ERC1: variants seen among roughly 807,000 people sequenced by gnomAD.
ERC1 encodes RAB6 interacting protein 2.
ERC1 carries 56 observed loss-of-function variants against 132.0 expected under a neutral mutation model. That is an observed-to-expected ratio of 0.42 (90% CI 0.34 to 0.53). The LOEUF (loss-of-function observed/expected upper bound fraction) is 0.53, where lower values mean the gene tolerates loss of function less well. ERC1 is among the 20% of genes least tolerant of loss of function. The pLI is 0.03. For missense variants in ERC1, 1,202 were observed against 1,349.9 expected (o/e 0.89, Z 1.72); for synonymous variants, 478 against 476.1 (o/e 1.00, Z -0.05).
chr12:1,124,964 A>T (rs1168640756), intron 7 of ERC1, among the ~76,000 whole-genome samples: 1 of 151,856 alleles, frequency 6.6e-6, no homozygotes, highest in Non-Finnish European at 1.5e-5. Flanking sequence ...TAAGGCCCAG[A>T]TGGCTTTCGA....
intron 12 of ERC1, among the ~76,000 whole-genome samples, chr12:1,211,179 G>C (rs890099443): frequency 6.6e-6 from 1 of 151,728 alleles, no homozygotes; most frequent in African/African-American, 2.4e-5. Context: ...ACAGAGTTTC[G>C]CTCTTATTGC....
chr12:1,457,019 A>G lies in ERC1; in HGVS notation c.3213+12269A>G, dbSNP rs2093552025. On this transcript the variant is annotated intron_variant, in intron 18 of 18. Transcript: ENST00000360905. ...ACCCCATGTTCCACAGTGCTCCCGT[A>G]AGATGATAAGACCATATTTTTACTG... is the stretch of plus-strand genomic sequence containing the variant. Among the ~76,000 whole-genome samples, 3 of 152,364 alleles carry G rather than the reference A, an allele frequency of 2.0e-5. No individual in the cohort carries two copies. The South Asian group carries it at 6.2e-4, about 32-fold the overall frequency.
chr12:1,017,909 T>A (rs1390048297), intron 1 of ERC1, among the ~76,000 whole-genome samples: 1 of 152,210 alleles, frequency 6.6e-6, no homozygotes, highest in Non-Finnish European at 1.5e-5. Flanking sequence ...GAGATTTTTT[T>A]AGTATTGAGA....
At chr12:1,351,117 G>A (rs144611919) in intron 15 of ERC1, among the ~76,000 whole-genome samples, 35 of 152,234 alleles carry the variant, frequency 2.3e-4, no homozygotes, top group African/African-American at 7.2e-4. Context: ...ATGAGTTTTC[G>A]TGGGGACAGA....
intron 17 of ERC1, among the ~76,000 whole-genome samples, chr12:1,438,971 A>ATATATATATATATATATATATATAT (rs879572392): frequency 6.9e-6 from 1 of 144,516 alleles, no homozygotes; most frequent in Admixed American, 6.7e-5. Flanking sequence ...ATATATATAT[A>ATATATATATATATATATATATATAT]AAAAATGACA....
intron 8 of ERC1, among the ~76,000 whole-genome samples, chr12:1,168,633 C>A (rs1952713565): frequency 1.3e-5 from 2 of 151,722 alleles, no homozygotes; most frequent in Admixed American, 6.6e-5. Context: ...TACAGGTGCC[C>A]ACCACCACAC....
At chr12:1,388,437 G>A (rs1057372917) in intron 16 of ERC1, among the ~76,000 whole-genome samples, 1 of 151,770 alleles carries the variant, frequency 6.6e-6, no homozygotes, top group Non-Finnish European at 1.5e-5. Flanking sequence ...GGTTGCTGAA[G>A]CATGAAGCAT....
rs554469906 is a variant in ERC1 at position 1,007,094 on chromosome 12, G to A, written c.-157+15772G>A. On this transcript the variant is annotated intron_variant, in intron 1 of 18. Transcript: ENST00000360905. The stretch of plus-strand genomic sequence containing the variant: ...CCGCCCTCAGGATGCTGGTGACCAG[G>A]GAGGGAGACAGTAAACAGGCAATTA... Among the ~76,000 whole-genome samples, 5 of 152,144 alleles carry A rather than the reference G, an allele frequency of 3.3e-5. No individual in the cohort carries two copies. The South Asian group carries it at 1.0e-3, about 32-fold the overall frequency.
rs2154435800 is a variant in ERC1, at chr12:1,495,219, C to T, written c.*4989C>T. 1 of 230,862 alleles carries T rather than the reference C, an allele frequency of 4.3e-6. No homozygotes were observed. The highest frequency in any genetic ancestry group is 1.8e-4 in the South Asian group (1 of 5,514). The allele number at this position is 230,862 out of a possible 1,614,324, so 14.3% of individuals were successfully genotyped here. On this transcript the variant is annotated 3_prime_UTR_variant, in exon 19 of 19. Transcript: ENST00000360905. ...CCTGCCCACTTGGTGCTATCTCTTC[C>T]AGTGACCACCCAGCACGGGTGAGCA...
chr12:1,241,507 G>A (rs528489236), intron 13 of ERC1, among the ~76,000 whole-genome samples: 4 of 151,330 alleles, frequency 2.6e-5, no homozygotes, highest in East Asian at 3.9e-4. Context: ...TGCTTATCTT[G>A]TCCTTTCAAG....
intron 11 of ERC1, among the ~76,000 whole-genome samples, chr12:1,186,503 CTG>C (rs780381080): frequency 7.2e-5 from 11 of 152,214 alleles, no homozygotes; most frequent in Non-Finnish European, 1.3e-4. Context: ...GGATTATTCA[CTG>C]TTACGTCAGC....
intron 15 of ERC1, among the ~76,000 whole-genome samples, chr12:1,366,942 A>G (rs1044777331): frequency 9.2e-5 from 14 of 152,298 alleles, no homozygotes; most frequent in East Asian, 5.8e-4. Context: ...ACAGGGACCA[A>G]AGTTTGCGAG....
chr12:1,217,552 T>G (rs1453874582), intron 12 of ERC1, among the ~76,000 whole-genome samples: 2 of 152,210 alleles, frequency 1.3e-5, no homozygotes, highest in Non-Finnish European at 2.9e-5. Flanking sequence ...CCTCTAAATG[T>G]GGAACAGATT....
At chr12:1,218,748 C>T (rs1384920487) in intron 12 of ERC1, among the ~76,000 whole-genome samples, 2 of 151,720 alleles carry the variant, frequency 1.3e-5, no homozygotes, top group African/African-American at 4.8e-5. Flanking sequence ...ACCTGTCATT[C>T]CTTTTGTGGT....
chr12:1,157,245 G>A (rs1951489171), intron 8 of ERC1, among the ~76,000 whole-genome samples: 1 of 152,124 alleles, frequency 6.6e-6, no homozygotes, highest in African/African-American at 2.4e-5. Context: ...CTGGGCTACA[G>A]CCGCACACAC....
chr12:1,130,206 A>C (rs954809951), intron 7 of ERC1, among the ~76,000 whole-genome samples: 4 of 152,172 alleles, frequency 2.6e-5, no homozygotes, highest in African/African-American at 9.7e-5. Flanking sequence ...AAGCGTAAAG[A>C]CCTCTGCAAT....
intron 1 of ERC1, among the ~76,000 whole-genome samples, chr12:997,548 T>A (rs1961180043): frequency 6.6e-6 from 1 of 152,152 alleles, no homozygotes; most frequent in East Asian, 1.9e-4. Flanking sequence ...TGACACAGGA[T>A]GGTAGCAAGA....
At chr12:1,196,387 C>CA (rs1321932541) in intron 12 of ERC1, among the ~76,000 whole-genome samples, 1 of 152,058 alleles carries the variant, frequency 6.6e-6, no homozygotes, top group Non-Finnish European at 1.5e-5. Flanking sequence ...GGAAGATACC[C>CA]AAAAATTTTA....
chr12:1,226,741 G>A (rs1382876545), intron 12 of ERC1, among the ~76,000 whole-genome samples: 2 of 152,100 alleles, frequency 1.3e-5, no homozygotes, highest in Non-Finnish European at 2.9e-5. Context: ...CAGTGGCGTA[G>A]TCTCGGCTCA....
Sources: allele counts gnomAD v4.1 joint callset (sites outside exome capture counted in the v4.1 genomes callset), GRCh38; gene constraint gnomAD v4.1.1; transcripts MANE v1.5; gene names NCBI Gene and HGNC (gene_info 2026-07-23, HGNC 2026-07-21).